The following KBTBD12 variants were observed in gnomAD, a reference collection of about 807,000 sequenced individuals.
KBTBD12 encodes the protein kelch repeat and BTB domain-containing protein 12.
Under a neutral mutation model 58.7 loss-of-function variants are expected in KBTBD12, and 53 were observed. The ratio of observed to expected loss-of-function variants is 0.90; its 90% CI spans 0.72 to 1.14. The LOEUF (loss-of-function observed/expected upper bound fraction) is 1.14. Ranked by LOEUF, KBTBD12 falls within the 50% of genes most tolerant of loss-of-function variation. The pLI is 0.00. For synonymous variants in KBTBD12, 236 were observed against 259.8 expected, an observed-to-expected ratio of 0.91 and a Z score of 0.88; for missense variants, 704 against 751.3, an observed-to-expected ratio of 0.94 and a Z score of 0.74.
chr3:127,961,226 T>C (rs1940432770), intron 4 of KBTBD12, among the ~76,000 whole-genome samples: 1 of 152,188 alleles, frequency 6.6e-6, no homozygotes, highest in Admixed American at 6.5e-5. Context: ...GCCCTACAAA[T>C]AGGAAACTCC....
At chr3:127,921,196 A>G (rs1456985732) in intron 1 of KBTBD12, among the ~76,000 whole-genome samples, 1 of 152,168 alleles carries the variant, frequency 6.6e-6, no homozygotes, top group African/African-American at 2.4e-5. Context: ...AATGAACTTC[A>G]GGTGAGAAAA....
At chr3:127,944,403 T>A (rs1278435823) in intron 4 of KBTBD12, among the ~76,000 whole-genome samples, 1 of 152,214 alleles carries the variant, frequency 6.6e-6, no homozygotes, top group African/African-American at 2.4e-5. Context: ...TCCACTTTCT[T>A]GGTTAAATTT....
chr3:127,948,750 G>A (rs953371794), intron 4 of KBTBD12, among the ~76,000 whole-genome samples: 1 of 152,164 alleles, frequency 6.6e-6, no homozygotes, highest in South Asian at 2.1e-4. Context: ...CAGCAAGCAG[G>A]TGGACATTCA....
intron 4 of KBTBD12, among the ~76,000 whole-genome samples, chr3:127,944,950 G>A (rs939207428): frequency 6.6e-6 from 1 of 151,410 alleles, no homozygotes; most frequent in African/African-American, 2.4e-5. Flanking sequence ...GCACAATCAT[G>A]GCTCACTGTA....
At chr3:127,928,618 G>A (rs1479549852) in intron 3 of KBTBD12, among the ~76,000 whole-genome samples, 2 of 152,228 alleles carry the variant, frequency 1.3e-5, no homozygotes, top group African/African-American at 2.4e-5. Flanking sequence ...TCAGGGGTGT[G>A]TGGCCATGGT....
At chr3:127,920,702 C>T (rs910591649) in intron 1 of KBTBD12, among the ~76,000 whole-genome samples, 2 of 151,972 alleles carry the variant, frequency 1.3e-5, no homozygotes, top group African/African-American at 2.4e-5. Flanking sequence ...TTTTGCACCA[C>T]ATTAATATTT....
intron 1 of KBTBD12, among the ~76,000 whole-genome samples, 159 bp downstream of exon 1, chr3:127,915,745 G>A (rs1303822486): frequency 6.6e-6 from 1 of 152,214 alleles, no homozygotes; most frequent in East Asian, 1.9e-4. Context: ...GGCGCCTGGC[G>A]TCAGGTGGGG....
intron 4 of KBTBD12, among the ~76,000 whole-genome samples, chr3:127,945,821 G>A (rs1940069872): frequency 6.6e-6 from 1 of 151,946 alleles, no homozygotes; most frequent in Non-Finnish European, 1.5e-5. Context: ...TAAGACTACA[G>A]GCATGTGCCA....
At chr3:127,968,418 G>A (rs1940620768) in intron 5 of KBTBD12, among the ~76,000 whole-genome samples, 1 of 152,140 alleles carries the variant, frequency 6.6e-6, no homozygotes, top group African/African-American at 2.4e-5. Context: ...ACTATTTGAG[G>A]CCAGTGTTAT....
At chr3:127,930,073 A>T in intron 3 of KBTBD12, 60 bp from the exon 4 acceptor site, 1 of 1,441,658 alleles carries the variant, frequency 6.9e-7, no homozygotes, top group Non-Finnish European at 9.5e-7. Context: ...AATTGCATTC[A>T]TGTACTCACA....
chr3:127,925,046 A>G (rs1474412905), intron 2 of KBTBD12, among the ~76,000 whole-genome samples: 3 of 152,232 alleles, frequency 2.0e-5, no homozygotes, highest in African/African-American at 7.2e-5. Context: ...TCTTAGCAGT[A>G]AAGATGGGAC....
chr3:127,916,203 A>T (rs1939233391), intron 1 of KBTBD12, among the ~76,000 whole-genome samples: 1 of 152,242 alleles, frequency 6.6e-6, no homozygotes, highest in Admixed American at 6.5e-5. Flanking sequence ...TGTCTTTATC[A>T]TCCATGTGCC....
intron 1 of KBTBD12, among the ~76,000 whole-genome samples, chr3:127,921,723 G>GT (rs1939415104): frequency 1.3e-5 from 2 of 152,158 alleles, no homozygotes; most frequent in South Asian, 4.2e-4. Context: ...CAAATAAATT[G>GT]TTTTTTGTGG....
intron 2 of KBTBD12, 43 bp from the exon 3 acceptor site, chr3:127,927,721 T>C: frequency 1.5e-6 from 2 of 1,365,600 alleles, no homozygotes; most frequent in Non-Finnish European, 1.9e-6. Flanking sequence ...TAAATTGCTT[T>C]CATGTTACCT....
intron 1 of KBTBD12, among the ~76,000 whole-genome samples, chr3:127,921,236 T>TA (rs1472972253): frequency 6.6e-6 from 1 of 152,090 alleles, no homozygotes; most frequent in Non-Finnish European, 1.5e-5. Flanking sequence ...AGGAACGTGT[T>TA]AATATTGCTA....
chr3:127,955,801 G>T (rs1379351213), intron 4 of KBTBD12, among the ~76,000 whole-genome samples: 1 of 152,188 alleles, frequency 6.6e-6, no homozygotes, highest in East Asian at 1.9e-4. Context: ...CCCTGGGCTG[G>T]CTTTTAGAAG....
chr3:127,960,937 G>A (rs1453813181), intron 4 of KBTBD12, among the ~76,000 whole-genome samples: 2 of 152,178 alleles, frequency 1.3e-5, no homozygotes, highest in Non-Finnish European at 2.9e-5. Context: ...CTGTATATGC[G>A]TCATGTTGGG....
intron 4 of KBTBD12, among the ~76,000 whole-genome samples, chr3:127,932,495 T>C (rs982229660): frequency 6.6e-6 from 1 of 152,148 alleles, no homozygotes; most frequent in Non-Finnish European, 1.5e-5. Flanking sequence ...TCAATTAGTA[T>C]AACAATAAGC....
Position 127,930,277 on chromosome 3 carries a change from GT to G in KBTBD12, c.1490del (p.Leu497TrpfsTer7). ...STAVVNSEIY[V>X]LGGIGCVGQD... is the part of the protein sequence containing the mutation. ...AGCTGTAGTCAACAGTGAGATTTAT[GT>G]TTTGGGTAAGAAGAAGCAGATTGCT... is the stretch of plus-strand genomic sequence containing the variant. On this transcript the variant is annotated frameshift_variant, in exon 4 of 6. Coordinates refer to ENST00000405109, the MANE Select transcript of KBTBD12 (RefSeq NM_207335.4). LOFTEE classifies it high-confidence loss of function. 1 of 1,610,954 alleles carries G rather than the reference GT, an allele frequency of 6.2e-7. No homozygotes were observed. Among genetic ancestry groups the G allele is most frequent in the South Asian group, 1.1e-5 (1 of 90,514 alleles).
Sources: allele counts gnomAD v4.1 joint callset (sites outside exome capture counted in the v4.1 genomes callset), GRCh38; gene constraint gnomAD v4.1.1; transcripts MANE v1.5; gene names NCBI Gene and HGNC (gene_info 2026-07-23, HGNC 2026-07-21).